ATP13A4: variants seen among roughly 807,000 people sequenced by gnomAD.
The protein encoded by ATP13A4 is ATPase 13A4.
Under a neutral mutation model 142.5 loss-of-function variants are expected in ATP13A4, and 114 were observed. The observed-to-expected ratio is 0.80, with a 90% CI of 0.69 to 0.93. The LOEUF (loss-of-function observed/expected upper bound fraction) is 0.93, where lower values mean the gene tolerates loss of function less well. Ranked by LOEUF, ATP13A4 falls within the 40% of genes least tolerant of loss-of-function variation. The pLI is 0.00. For missense variants in ATP13A4, 1,392 were observed against 1,454.0 expected (o/e 0.96, Z 0.69); for synonymous variants, 488 against 514.8 (o/e 0.95, Z 0.70).
chr3:193,589,308 GGA>G (rs1724722379), intron 1 of ATP13A4, among the ~76,000 whole-genome samples: 1 of 152,030 alleles, frequency 6.6e-6, no homozygotes, highest in African/African-American at 2.4e-5. Flanking sequence ...TGAGGGCTGG[GGA>G]GAGTTTGATA....
chr3:193,572,076 C>T (rs146353134), intron 2 of ATP13A4, among the ~76,000 whole-genome samples: 91 of 152,166 alleles, frequency 6.0e-4, no homozygotes, highest in Middle Eastern at 3.4e-3. Context: ...CAAAACCCCG[C>T]CTCTACAAAA....
At chr3:193,461,073 T>C (rs1018096493) in intron 13 of ATP13A4, among the ~76,000 whole-genome samples, 3 of 152,096 alleles carry the variant, frequency 2.0e-5, no homozygotes, top group Non-Finnish European at 4.4e-5. Flanking sequence ...CAACTTTGAT[T>C]GGAAGGCAGG....
At chr3:193,495,708 T>G in intron 3 of ATP13A4, among the ~76,000 whole-genome samples, 1 of 152,244 alleles carries the variant, frequency 6.6e-6, no homozygotes, top group East Asian at 1.9e-4. Flanking sequence ...TTATTCAACA[T>G]ACTACGGGAA....
chr3:193,471,980 C>T (rs898858419), intron 8 of ATP13A4, among the ~76,000 whole-genome samples: 4 of 152,096 alleles, frequency 2.6e-5, no homozygotes, highest in Non-Finnish European at 5.9e-5. Flanking sequence ...GACAGAAGGG[C>T]CCCCATGGTG....
rs80212101 is a variant in ATP13A4 at position 193,481,293 on chromosome 3, A to G, written c.808+2643T>C. Among the ~76,000 whole-genome samples the G allele has an allele frequency of 5.4e-3, 825 of 152,304 alleles. 5 individuals carry two copies. The highest frequency in any genetic ancestry group is 0.019 in the African/African-American group (789 of 41,570). On this transcript the variant is annotated intron_variant, in intron 8 of 29. Coordinates refer to ENST00000342695, the MANE Select transcript of ATP13A4 (RefSeq NM_032279.4). ...GAAAAAAACTTATATTCCCCTTAAAAATATTTTATTTCCTTTAATTGGTTG... is the reference window on the plus strand; with the variant it reads ...GAAAAAAACTTATATTCCCCTTAAAGATATTTTATTTCCTTTAATTGGTTG...
At chr3:193,416,438 A>G (rs939979766) in intron 25 of ATP13A4, among the ~76,000 whole-genome samples, 1 of 152,216 alleles carries the variant, frequency 6.6e-6, no homozygotes, top group Non-Finnish European at 1.5e-5. Flanking sequence ...AAAGAACTAA[A>G]GGAAATTAGG....
chr3:193,411,837 T>TA (rs750306146), intron 27 of ATP13A4, among the ~76,000 whole-genome samples: 2 of 152,208 alleles, frequency 1.3e-5, no homozygotes, highest in African/African-American at 2.4e-5. Flanking sequence ...TGAGTTCTGT[T>TA]ACGCTTCTCT....
At chr3:193,439,126 T>TA in intron 21 of ATP13A4, 61 bp from the exon 22 acceptor site, 8 of 1,491,120 alleles carry the variant, frequency 5.4e-6, no homozygotes, top group African/African-American at 1.4e-5. Context: ...TTTCTCTAAT[T>TA]AAAAAAACAA....
In ATP13A4 at chr3:193,402,522, G is replaced by C. The variant is rs1335273014; in HGVS notation, c.*130C>G. ...TATTTTATCAAACAGACTTTAGTTTGTCACCATGATTTGATAGGTAGCCCC... is the reference window on the plus strand; with the variant it reads ...TATTTTATCAAACAGACTTTAGTTTCTCACCATGATTTGATAGGTAGCCCC... On this transcript the variant is annotated 3_prime_UTR_variant, in exon 30 of 30. Transcript: ENST00000342695. 6.0e-6 allele frequency: 4 copies of C among 663,108 alleles called. No individual in the cohort carries two copies. Among genetic ancestry groups the C allele is most frequent in the Non-Finnish European group, 1.1e-5 (4 of 367,856 alleles). 41.1% of individuals were successfully genotyped at this position (663,108 alleles called of 1,614,324 possible).
chr3:193,588,791 C>T (rs1724713046), intron 1 of ATP13A4, among the ~76,000 whole-genome samples: 1 of 152,104 alleles, frequency 6.6e-6, no homozygotes, highest in South Asian at 2.1e-4. Context: ...GTCTGTCTTC[C>T]TAACCAAACC....
At chr3:193,543,856 A>G (rs1723076873) in intron 1 of ATP13A4, among the ~76,000 whole-genome samples, 1 of 152,222 alleles carries the variant, frequency 6.6e-6, no homozygotes, top group Admixed American at 6.5e-5. Context: ...CATATGAGTG[A>G]TAAGAAGAAA....
At chr3:193,584,507 T>A (rs7627322) in intron 1 of ATP13A4, among the ~76,000 whole-genome samples, 79,100 of 152,050 alleles carry the variant, frequency 0.52, 21,347 homozygotes, top group African/African-American at 0.65. Flanking sequence ...CCAGCTGAAA[T>A]CAATTCTACA....
chr3:193,418,523 T>C (rs1170409068), intron 25 of ATP13A4, among the ~76,000 whole-genome samples: 1 of 149,290 alleles, frequency 6.7e-6, no homozygotes, highest in African/African-American at 2.5e-5. Context: ...CTGGTTTCTA[T>C]TATAGTACTC....
intron 16 of ATP13A4, among the ~76,000 whole-genome samples, chr3:193,456,263 A>C (rs2108635373): frequency 6.6e-6 from 1 of 152,320 alleles, no homozygotes; most frequent in South Asian, 2.1e-4. Flanking sequence ...GCAGACTAAC[A>C]ATGCAATCAA....
intron 1 of ATP13A4, among the ~76,000 whole-genome samples, chr3:193,523,060 T>C (rs530780399): frequency 6.6e-6 from 1 of 152,154 alleles, no homozygotes; most frequent in Non-Finnish European, 1.5e-5. Context: ...CCTAGCACTT[T>C]GGGAGGTCGA....
intron 25 of ATP13A4, among the ~76,000 whole-genome samples, chr3:193,416,167 G>A (rs1318886968): frequency 6.6e-6 from 1 of 152,144 alleles, no homozygotes; most frequent in Non-Finnish European, 1.5e-5. Context: ...ATGAAAACTA[G>A]TACAGTCTTT....
chr3:193,448,425 A>G lies in ATP13A4; in HGVS notation c.2028-95T>C. On this transcript the variant is annotated intron_variant, in intron 17 of 29. Coordinates refer to ENST00000342695, the MANE Select transcript of ATP13A4 (RefSeq NM_032279.4). ...CTCGCTCTGTCATCCAGGCTGGAGGACAGTGGTTCAAGTCATTCTCCTGCC... is the reference window on the plus strand; with the variant it reads ...CTCGCTCTGTCATCCAGGCTGGAGGGCAGTGGTTCAAGTCATTCTCCTGCC... 2.7e-6 allele frequency: 4 copies of G among 1,500,342 alleles called. No individual in the cohort carries two copies. The Admixed American group carries it at 6.9e-5, about 26-fold the overall frequency. The allele number at this position is 1,500,342 out of a possible 1,614,324, so 92.9% of individuals were successfully genotyped here.
chr3:193,443,861 A>G (rs1716796692), intron 18 of ATP13A4, among the ~76,000 whole-genome samples: 2 of 152,220 alleles, frequency 1.3e-5, no homozygotes, highest in African/African-American at 4.8e-5. Flanking sequence ...AAATCACTGA[A>G]TGTACTCAAT....
intron 23 of ATP13A4, among the ~76,000 whole-genome samples, chr3:193,436,225 T>A (rs1461930122): frequency 6.6e-6 from 1 of 152,192 alleles, no homozygotes; most frequent in African/African-American, 2.4e-5. Flanking sequence ...ATTTTGGCAG[T>A]CCCAACTTTT....
Sources: allele counts gnomAD v4.1 joint callset (sites outside exome capture counted in the v4.1 genomes callset), GRCh38; gene constraint gnomAD v4.1.1; transcripts MANE v1.5; gene names NCBI Gene and HGNC (gene_info 2026-07-23, HGNC 2026-07-21).